The following CC2D2A variants were observed in gnomAD, a reference collection of about 807,000 sequenced individuals.
CC2D2A encodes coiled-coil and C2 domain-containing protein 2A.
CC2D2A carries 155 observed loss-of-function variants against 212.9 expected under a neutral mutation model. The observed-to-expected ratio is 0.73, with a 90% confidence interval of 0.64 to 0.83. CC2D2A has a LOEUF of 0.83. Among genes scored for constraint, CC2D2A ranks in the 40% least tolerant of loss-of-function variants. CC2D2A has a pLI of 0.00. For missense variants in CC2D2A, 1,856 were observed against 1,956.2 expected (o/e 0.95, Z 0.97); for synonymous variants, 667 against 686.5 (o/e 0.97, Z 0.44).
intron 8 of CC2D2A, 172 bp downstream of exon 8, chr4:15,511,595 T>C (rs1234223954): frequency 5.7e-6 from 3 of 527,320 alleles, no homozygotes; most frequent in African/African-American, 4.0e-5. Flanking sequence ...CCTGTAGCTC[T>C]GGGTTAGACC....
At position 15,533,324 on chromosome 4, in the gene CC2D2A, T is replaced by C. The variant is rs777351655; in HGVS notation, c.1598T>C (p.Val533Ala). ...TTTACAAATACTCCCTTGAAACTTG[T>C]TTTGAGAAAGTAGGCTTTTTTGAAA... ...QRFTNTPLKLVLRKEKADQKA... is the reference protein window; with the variant it reads ...QRFTNTPLKLALRKEKADQKA... The change falls in exon 14 of 37, where the codon GTT becomes GCT. Residue 533 changes from valine to alanine, a missense_variant. This residue lies in a region of CC2D2A where 1,512 missense variants were observed against 1,579.3 expected (regional missense o/e 0.96). Transcript: ENST00000424120. 62 of 1,552,068 alleles carry C rather than the reference T, an allele frequency of 4.0e-5. No homozygotes were observed. The South Asian group carries it at 5.8e-4, about 15-fold the overall frequency.
intron 35 of CC2D2A, among the ~76,000 whole-genome samples, 198 bp downstream of exon 35, chr4:15,597,663 C>T (rs1721378776): frequency 6.6e-6 from 1 of 152,204 alleles, no homozygotes; most frequent in Admixed American, 6.5e-5. Context: ...TGCTGTGGAA[C>T]CAACCAGAGT....
intron 4 of CC2D2A, among the ~76,000 whole-genome samples, chr4:15,487,340 T>A (rs1416789551): frequency 1.3e-5 from 2 of 152,152 alleles, no homozygotes; most frequent in Non-Finnish European, 1.5e-5. Flanking sequence ...GGTGCCTATG[T>A]ATTTACAAGT....
At chr4:15,560,428 T>A (rs1350457452) in intron 22 of CC2D2A, 103 bp from the exon 23 acceptor site, 7 of 615,440 alleles carry the variant, frequency 1.1e-5, no homozygotes, top group Admixed American at 3.0e-5. Flanking sequence ...GCTGGAGGAC[T>A]GGGGGGACAC....
At position 15,538,153 on chromosome 4, in the gene CC2D2A, G is replaced by C; in HGVS notation, c.2003+16G>C. 6.6e-7 allele frequency: 1 copy of C among 1,521,290 alleles called. No individual in the cohort carries two copies. Among genetic ancestry groups the C allele is most frequent in the Middle Eastern group, 1.8e-4 (1 of 5,674 alleles). The allele number at this position is 1,521,290 out of a possible 1,614,324, so 94.2% of individuals were successfully genotyped here. On this transcript the variant is annotated intron_variant, in intron 16 of 36. Transcript: ENST00000424120. Reference sequence around the variant, plus strand: ...AGTGCCCCAGGTGAGTGGATGCTCCGACCGTAAATGAGGCTGACATCTGAT... The same window carrying C: ...AGTGCCCCAGGTGAGTGGATGCTCCCACCGTAAATGAGGCTGACATCTGAT...
At position 15,531,900 on chromosome 4, in the gene CC2D2A, G is replaced by A. The variant is rs140366587; in HGVS notation, c.1467-1293G>A. On this transcript the variant is annotated intron_variant, in intron 13 of 36. Transcript: ENST00000424120. Reference sequence around the variant, plus strand: ...GGTGATAACAGCTAAAGGCATAGGAGACGAACTGACCACCTGATGGTGACA... The same window carrying A: ...GGTGATAACAGCTAAAGGCATAGGAAACGAACTGACCACCTGATGGTGACA... 3.6e-4 allele frequency among the ~76,000 whole-genome samples: 55 copies of A among 152,302 alleles called. No homozygotes were observed. The East Asian group carries it at 0.01, about 28-fold the overall frequency.
intron 16 of CC2D2A, among the ~76,000 whole-genome samples, chr4:15,538,823 T>C (rs1056906359): frequency 1.3e-5 from 2 of 152,248 alleles, no homozygotes; most frequent in African/African-American, 4.8e-5. Context: ...TTCCTATTTA[T>C]TCTTTCCTTC....
chr4:15,600,903 CAAAAAAAAAAA>C (rs5856308), intron 36 of CC2D2A, among the ~76,000 whole-genome samples: 1 of 93,016 alleles, frequency 1.1e-5, no homozygotes, highest in Admixed American at 1.1e-4. Context: ...AGACCTGTCT[CAAAAAAAAAAA>C]AAAAAAAGAA....
intron 35 of CC2D2A, 58 bp from the exon 36 acceptor site, chr4:15,599,471 A>AT (rs1721477829): frequency 1.6e-6 from 2 of 1,215,044 alleles, no homozygotes; most frequent in East Asian, 2.6e-5. Flanking sequence ...TACTACATAC[A>AT]TTTTTTAACA....
chr4:15,547,629 CGTT>C (rs1173807374), intron 17 of CC2D2A, among the ~76,000 whole-genome samples: 1 of 152,150 alleles, frequency 6.6e-6, no homozygotes, highest in African/African-American at 2.4e-5. Flanking sequence ...CCCTCAGCAT[CGTT>C]GAGAGAAAAC....
intron 4 of CC2D2A, among the ~76,000 whole-genome samples, chr4:15,483,840 T>A (rs1161116274): frequency 1.3e-5 from 2 of 152,200 alleles, no homozygotes; most frequent in Non-Finnish European, 2.9e-5. Flanking sequence ...AAGAGAGTTC[T>A]CTGATTGTGT....
chr4:15,557,158 T>A (rs1042666110), intron 20 of CC2D2A, 146 bp from the exon 21 acceptor site: 2 of 560,584 alleles, frequency 3.6e-6, no homozygotes, highest in Non-Finnish European at 6.4e-6. Flanking sequence ...TAATAGCATG[T>A]GACTCATTAT....
At chr4:15,553,953 G>T (rs1284235099) in intron 19 of CC2D2A, among the ~76,000 whole-genome samples, 1 of 152,180 alleles carries the variant, frequency 6.6e-6, no homozygotes, top group Admixed American at 6.6e-5. Context: ...TAAAATAAAA[G>T]GATTCATTGT....
chr4:15,554,252 G>A lies in CC2D2A; in HGVS notation c.2487-820G>A, dbSNP rs577407195. Among the ~76,000 whole-genome samples, 15 of 152,264 alleles carry A rather than the reference G, an allele frequency of 9.9e-5. No individual in the cohort carries two copies. In the South Asian group the frequency reaches 3.1e-3, roughly 32 times the overall value. On this transcript the variant is annotated intron_variant, in intron 19 of 36. Coordinates refer to ENST00000424120, the MANE Select transcript of CC2D2A (RefSeq NM_001378615.1). ...AAGCTTTCAACTCCTCAGAATAGAAGGTAAAACACAATGTGAGTAACAAGA... is the reference window on the plus strand; with the variant it reads ...AAGCTTTCAACTCCTCAGAATAGAAAGTAAAACACAATGTGAGTAACAAGA...
At chr4:15,529,517 T>C (rs927488233) in intron 13 of CC2D2A, among the ~76,000 whole-genome samples, 1 of 152,184 alleles carries the variant, frequency 6.6e-6, no homozygotes, top group Non-Finnish European at 1.5e-5. Context: ...TCAACATGGA[T>C]AAGGAATCAT....
In CC2D2A at chr4:15,478,816, G is replaced by A. The variant is rs1378415711; in HGVS notation, c.123+10G>A. ...GCCAAGAAAGAAACAGGTAAGAAGT[G>A]ACAAGAAACTGTGTCTGCGTATTGT... is the stretch of plus-strand genomic sequence containing the variant. On this transcript the variant is annotated intron_variant, in intron 3 of 36. Transcript: ENST00000424120. The A allele has an allele frequency of 6.5e-7, 1 of 1,546,894 alleles. No individual in the cohort carries two copies. The highest frequency in any genetic ancestry group is 2.4e-5 in the East Asian group (1 of 40,910).
At chr4:15,577,241 C>T (rs1001332912) in intron 29 of CC2D2A, among the ~76,000 whole-genome samples, 11 of 152,158 alleles carry the variant, frequency 7.2e-5, no homozygotes, top group African/African-American at 1.9e-4. Context: ...AGTGATCCTC[C>T]GGCGTCAGCC....
intron 13 of CC2D2A, among the ~76,000 whole-genome samples, chr4:15,532,268 C>T (rs1299300664): frequency 6.6e-6 from 1 of 152,134 alleles, no homozygotes; most frequent in African/African-American, 2.4e-5. Flanking sequence ...CATTTTCTGC[C>T]ATCTTCCTTT....
intron 4 of CC2D2A, among the ~76,000 whole-genome samples, chr4:15,497,439 T>G (rs1000789374): frequency 6.6e-6 from 1 of 152,186 alleles, no homozygotes; most frequent in Non-Finnish European, 1.5e-5. Flanking sequence ...TAAAAGGTAG[T>G]TCAGGCCTGT....
Sources: gnomAD v4.1 joint callset for allele counts (sites outside exome capture counted in the v4.1 genomes callset) on GRCh38, gnomAD v4.1.1 for gene constraint, gnomAD v4.1.1 regional missense constraint, MANE v1.5 for transcripts, NCBI Gene and HGNC (gene_info 2026-07-23, HGNC 2026-07-21) for gene names.